Variants in PLCE1 observed in about 807,000 individuals in gnomAD.
PLCE1 encodes phospholipase C epsilon 1, also known as 1-phosphatidylinositol 4,5-bisphosphate phosphodiesterase epsilon-1.
PLCE1 carries 119 observed loss-of-function variants against 242.8 expected under a neutral mutation model. The ratio of observed to expected loss-of-function variants is 0.49; its 90% CI spans 0.42 to 0.57. PLCE1 has a LOEUF of 0.57. Ranked by LOEUF, PLCE1 falls within the 20% of genes least tolerant of loss-of-function variation. The pLI is 0.00. For missense variants in PLCE1, 2,441 were observed against 2,788.8 expected (o/e 0.88, Z 2.81); for synonymous variants, 945 against 1,017.4 (o/e 0.93, Z 1.35).
At chr10:94,319,348 GA>G (rs1280576801) in intron 29 of PLCE1, among the ~76,000 whole-genome samples, 2 of 152,158 alleles carry the variant, frequency 1.3e-5, no homozygotes, top group African/African-American at 4.8e-5. Context: ...AGTAATTACT[GA>G]ATGTAAGAGG....
rs1228355324 is a variant in PLCE1, at chr10:94,283,802, A to C, written c.4808A>C (p.Glu1603Ala). 1 of 1,611,652 alleles carries C rather than the reference A, an allele frequency of 6.2e-7. No individual in the cohort carries two copies. Among genetic ancestry groups the C allele is most frequent in the South Asian group, 1.1e-5 (1 of 90,888 alleles). Residue 1603 changes from glutamate to alanine, a missense_variant, in exon 21 of 33, where the codon GAA becomes GCA. Coordinates refer to ENST00000371380, the MANE Select transcript of PLCE1 (RefSeq NM_016341.4). ...AACTTATTTTCAGACAACATTCTGGAAGACAGACCTGAAAATAAATCATGT... is the reference window on the plus strand; with the variant it reads ...AACTTATTTTCAGACAACATTCTGGCAGACAGACCTGAAAATAAATCATGT... ...YESLSDDNIL[E>A]DRPENKSCND...
At chr10:94,093,681 A>G (rs1199267506) in intron 2 of PLCE1, among the ~76,000 whole-genome samples, 1 of 152,122 alleles carries the variant, frequency 6.6e-6, no homozygotes, top group African/African-American at 2.4e-5. Context: ...TCCATTTCTT[A>G]TGGTCTTGAC....
At chr10:94,326,794 T>G (rs1421882045) in intron 32 of PLCE1, among the ~76,000 whole-genome samples, 1 of 152,226 alleles carries the variant, frequency 6.6e-6, no homozygotes, top group African/African-American at 2.4e-5. Flanking sequence ...TGGATTCACA[T>G]GACTTTTTTT....
intron 2 of PLCE1, among the ~76,000 whole-genome samples, chr10:94,117,561 C>T (rs767242835): frequency 6.6e-6 from 1 of 152,182 alleles, no homozygotes; most frequent in Non-Finnish European, 1.5e-5. Flanking sequence ...GACCAGCTAA[C>T]ATCAGTTCAA....
intron 2 of PLCE1, among the ~76,000 whole-genome samples, chr10:94,098,489 C>T (rs2045398109): frequency 6.6e-6 from 1 of 152,186 alleles, no homozygotes; most frequent in South Asian, 2.1e-4. Context: ...ATTATCATAC[C>T]TAAATAAATA....
At chr10:94,281,788 G>A (rs2052235989) in intron 20 of PLCE1, among the ~76,000 whole-genome samples, 2 of 152,096 alleles carry the variant, frequency 1.3e-5, no homozygotes, top group African/African-American at 4.8e-5. Context: ...CTGACTGGAT[G>A]ATTCTCAAAC....
intron 2 of PLCE1, among the ~76,000 whole-genome samples, chr10:94,041,894 A>G (rs947567561): frequency 1.3e-5 from 2 of 152,048 alleles, no homozygotes; most frequent in Admixed American, 1.3e-4. Context: ...AAAAGAGCCA[A>G]GTACTAATTC....
At chr10:94,054,974 T>A (rs1490271961) in intron 2 of PLCE1, among the ~76,000 whole-genome samples, 1 of 143,552 alleles carries the variant, frequency 7.0e-6, no homozygotes, top group East Asian at 2.1e-4. Context: ...ATCGGGCCAC[T>A]GCACTCCAGC....
At chr10:94,000,554 G>T (rs2060913232) in intron 1 of PLCE1, among the ~76,000 whole-genome samples, 1 of 152,160 alleles carries the variant, frequency 6.6e-6, no homozygotes, top group Non-Finnish European at 1.5e-5. Flanking sequence ...CTGTACATGG[G>T]CTAGAATAAG....
chr10:94,194,009 CTT>C (rs1361583447), intron 4 of PLCE1, among the ~76,000 whole-genome samples: 1 of 152,148 alleles, frequency 6.6e-6, no homozygotes, highest in African/African-American at 2.4e-5. Context: ...ATTAACATCT[CTT>C]AACAGTTAAA....
At chr10:94,062,120 G>A (rs946025328) in intron 2 of PLCE1, among the ~76,000 whole-genome samples, 4 of 152,214 alleles carry the variant, frequency 2.6e-5, no homozygotes, top group Admixed American at 2.6e-4. Flanking sequence ...CTAGATATGA[G>A]TTAGCTACTA....
intron 2 of PLCE1, among the ~76,000 whole-genome samples, chr10:94,045,958 G>A (rs1206280681): frequency 1.1e-5 from 1 of 94,660 alleles, no homozygotes; most frequent in Non-Finnish European, 2.2e-5. Flanking sequence ...AAATTAGCCA[G>A]GCGTGGTAAA....
Position 94,221,299 on chromosome 10 carries a change from GGT to G in PLCE1, c.1810-5994_1810-5993del, listed in dbSNP as rs145689705. On this transcript the variant is annotated intron_variant, in intron 4 of 32. Transcript: ENST00000371380. The stretch of plus-strand genomic sequence containing the variant: ...ATTTGAGAAGCACTGCCTCTGCAAG[GGT>G]GTGTGTGTGTGTATGTGCCTGTGCA... 7.0e-3 allele frequency among the ~76,000 whole-genome samples: 1,064 copies of G among 151,794 alleles called. 19 individuals carry two copies. The highest frequency in any genetic ancestry group is 0.024 in the African/African-American group (1,013 of 41,448).
chr10:94,262,541 A>G lies in PLCE1; in HGVS notation c.3862A>G (p.Lys1288Glu). 6.2e-7 allele frequency: 1 copy of G among 1,614,062 alleles called. No homozygotes were observed. The highest frequency in any genetic ancestry group is 2.2e-5 in the East Asian group (1 of 44,874). Residue 1288 changes from lysine to glutamate, a missense_variant, in exon 14 of 33, where the codon AAA becomes GAA. By Grantham distance (56) the Lys-to-Glu change is moderately conservative. Around this residue, in one of 5 missense-constraint regions of PLCE1, gnomAD observed 1,004 missense variants for 1,322.7 expected, o/e 0.76. Transcript: ENST00000371380. ...GGATTTGGGGTTGTTCATTAAGAGTAAACAGCAGCTATCGGACAACCAGAG... is the reference window on the plus strand; with the variant it reads ...GGATTTGGGGTTGTTCATTAAGAGTGAACAGCAGCTATCGGACAACCAGAG... The part of the protein sequence containing the change: ...VSDLGLFIKS[K>E]QQLSDNQRQI...
chr10:94,206,675 C>A (rs1469378318), intron 4 of PLCE1, among the ~76,000 whole-genome samples: 4 of 152,164 alleles, frequency 2.6e-5, no homozygotes, highest in Admixed American at 2.0e-4. Context: ...GTTGGTAAAG[C>A]CTGTCTTCTC....
At chr10:94,234,670 A>T (rs1279322577) in intron 6 of PLCE1, among the ~76,000 whole-genome samples, 1 of 152,184 alleles carries the variant, frequency 6.6e-6, no homozygotes, top group Non-Finnish European at 1.5e-5. Context: ...TAAGTTTTCC[A>T]CATCAGTGGA....
At chr10:94,095,001 A>G (rs983365985) in intron 2 of PLCE1, among the ~76,000 whole-genome samples, 14 of 152,138 alleles carry the variant, frequency 9.2e-5, no homozygotes, top group Non-Finnish European at 1.5e-5. Flanking sequence ...TTACATGGCT[A>G]CTCCACAAAC....
At chr10:94,200,243 T>C (rs565372550) in intron 4 of PLCE1, among the ~76,000 whole-genome samples, 1 of 152,250 alleles carries the variant, frequency 6.6e-6, no homozygotes, top group African/African-American at 2.4e-5. Context: ...CATTCTCCAA[T>C]TAAAAGGAAC....
At chr10:94,096,000 G>C (rs979592703) in intron 2 of PLCE1, among the ~76,000 whole-genome samples, 31 of 152,284 alleles carry the variant, frequency 2.0e-4, no homozygotes, top group African/African-American at 7.5e-4. Context: ...ATCTTCAGCT[G>C]TTATTGGGGG....
Sources: gnomAD v4.1 joint callset for allele counts (sites outside exome capture counted in the v4.1 genomes callset) on GRCh38, gnomAD v4.1.1 for gene constraint, gnomAD v4.1.1 regional missense constraint, MANE v1.5 for transcripts, NCBI Gene and HGNC (gene_info 2026-07-23, HGNC 2026-07-21) for gene names.